The following AGBL3 variants were observed in gnomAD, a reference collection of about 807,000 sequenced individuals.
AGBL3 encodes cytosolic carboxypeptidase 3.
A neutral mutation model predicts 94.5 loss-of-function variants in AGBL3; 68 were observed. That is an observed-to-expected ratio of 0.72 (90% confidence interval 0.59 to 0.88). The LOEUF (loss-of-function observed/expected upper bound fraction) is 0.88. Among genes scored for constraint, AGBL3 ranks in the 40% least tolerant of loss-of-function variants. The pLI is 0.00. For synonymous variants in AGBL3, 354 were observed against 370.7 expected (o/e 0.95, Z 0.52); for missense variants, 934 against 1,103.8 (o/e 0.85, Z 2.18).
At chr7:134,991,224 T>A (rs938667810) in intron 3 of AGBL3, among the ~76,000 whole-genome samples, 1 of 149,724 alleles carries the variant, frequency 6.7e-6, no homozygotes, top group African/African-American at 2.5e-5. Flanking sequence ...GGTTAAAATT[T>A]CAGTTAAGTT....
intron 12 of AGBL3, among the ~76,000 whole-genome samples, chr7:135,070,588 C>T (rs1229569589): frequency 2.0e-5 from 3 of 152,104 alleles, no homozygotes; most frequent in Non-Finnish European, 4.4e-5. Context: ...AATCAATAAA[C>T]GTAATCCAGC....
rs142576001 is a variant in AGBL3 at position 135,066,466 on chromosome 7, T to C, written c.1908+7231T>C. Among the ~76,000 whole-genome samples the C allele has an allele frequency of 8.7e-4, 133 of 152,224 alleles. 1 individual carries two copies. Among genetic ancestry groups the C allele is most frequent in the African/African-American group, 2.7e-3 (113 of 41,558 alleles). On this transcript the variant is annotated intron_variant, in intron 12 of 16. Coordinates refer to ENST00000436302, the MANE Select transcript of AGBL3 (RefSeq NM_178563.4). Reference sequence around the variant, plus strand: ...CCTGCTTGGTCAAAAAATTAAAAAATTGTGTTTGCAAGGATGTGGAGAAAA... The same window carrying C: ...CCTGCTTGGTCAAAAAATTAAAAAACTGTGTTTGCAAGGATGTGGAGAAAA...
rs1827556769 is a variant in AGBL3 at position 135,124,296 on chromosome 7, A to G, written c.2342+8685A>G. 3.9e-5 allele frequency among the ~76,000 whole-genome samples: 6 copies of G among 152,316 alleles called. No homozygotes were observed. The South Asian group carries it at 1.2e-3, about 32-fold the overall frequency. Reference sequence around the variant, plus strand: ...TTAAACCAACAAAATCAAAAAAGACAAAGAAGGGTATTACATAATGGTAAA... The same window carrying G: ...TTAAACCAACAAAATCAAAAAAGACGAAGAAGGGTATTACATAATGGTAAA... On this transcript the variant is annotated intron_variant, in intron 16 of 16. Coordinates refer to ENST00000436302, the MANE Select transcript of AGBL3 (RefSeq NM_178563.4).
intron 12 of AGBL3, 137 bp from the exon 13 acceptor site, chr7:135,076,260 T>C (rs1302873119): frequency 3.1e-6 from 2 of 651,800 alleles, no homozygotes; most frequent in African/African-American, 1.9e-5. Flanking sequence ...ACCCAGAATT[T>C]TTGGTTGTAC....
chr7:134,995,034 A>G (rs4236646), intron 4 of AGBL3, among the ~76,000 whole-genome samples: 141,763 of 152,146 alleles, frequency 0.93, 66,832 homozygotes, highest in East Asian at 1. Context: ...AAAAAGTCCA[A>G]CAGAGAAAAC....
At chr7:134,991,617 G>C (rs565105844) in intron 3 of AGBL3, among the ~76,000 whole-genome samples, 143 of 152,094 alleles carry the variant, frequency 9.4e-4, no homozygotes, top group African/African-American at 3.4e-3. Context: ...AGAACGCCTT[G>C]ATCTCAGAGG....
intron 4 of AGBL3, among the ~76,000 whole-genome samples, chr7:135,012,783 T>C (rs768952922): frequency 6.6e-6 from 1 of 152,050 alleles, no homozygotes; most frequent in Non-Finnish European, 1.5e-5. Context: ...TAAACAAAAA[T>C]TAATTCAAGA....
intron 15 of AGBL3, among the ~76,000 whole-genome samples, chr7:135,083,519 C>A (rs1821089657): frequency 6.6e-6 from 1 of 152,048 alleles, no homozygotes. Flanking sequence ...TTCCCATTAT[C>A]CATTCTCTAA....
At chr7:135,064,004 A>G (rs1819062115) in intron 12 of AGBL3, among the ~76,000 whole-genome samples, 1 of 152,226 alleles carries the variant, frequency 6.6e-6, no homozygotes, top group African/African-American at 2.4e-5. Flanking sequence ...CAGCTAGGGC[A>G]TATTTTGCTC....
At chr7:135,011,028 A>G (rs1046495703) in intron 4 of AGBL3, 2 of 152,220 alleles carry the variant, frequency 1.3e-5, no homozygotes, top group Non-Finnish European at 2.9e-5. Flanking sequence ...AAAAATTGTA[A>G]GAGTTACTAG....
chr7:135,049,035 C>A (rs1032002522), intron 11 of AGBL3, among the ~76,000 whole-genome samples: 2 of 151,706 alleles, frequency 1.3e-5, no homozygotes, highest in South Asian at 4.2e-4. Flanking sequence ...AGAGTAAAAG[C>A]CTTCAGTTTT....
intron 16 of AGBL3, among the ~76,000 whole-genome samples, chr7:135,133,096 CACAA>C (rs1212689541): frequency 1.4e-5 from 2 of 138,784 alleles, no homozygotes; most frequent in African/African-American, 2.6e-5. Flanking sequence ...CACACACACA[CACAA>C]CCTTTAGAAT....
At chr7:135,085,706 A>C (rs541908845) in intron 15 of AGBL3, among the ~76,000 whole-genome samples, 11 of 152,006 alleles carry the variant, frequency 7.2e-5, no homozygotes, top group Non-Finnish European at 1.2e-4. Flanking sequence ...ATTGGTCTAC[A>C]TATCTGTTTT....
At chr7:135,017,213 A>C in intron 5 of AGBL3, 54 bp downstream of exon 5, 1 of 1,247,574 alleles carries the variant, frequency 8.0e-7, no homozygotes, top group Non-Finnish European at 1.1e-6. Flanking sequence ...ACTTAGGTTA[A>C]TCTCTTAATT....
chr7:135,097,221 A>G (rs1420120419), intron 15 of AGBL3, among the ~76,000 whole-genome samples: 1 of 152,142 alleles, frequency 6.6e-6, no homozygotes, highest in Non-Finnish European at 1.5e-5. Flanking sequence ...AACAAAGGGA[A>G]AATTTTGTAA....
rs562912348 is a variant in AGBL3 at position 135,012,633 on chromosome 7, C to T, written c.311-4419C>T. 13 of 151,852 alleles carry T rather than the reference C, an allele frequency of 8.6e-5. No individual in the cohort carries two copies. The East Asian group carries it at 2.5e-3, about 29-fold the overall frequency. The allele number at this position is 151,852 out of a possible 1,614,324, so 9.4% of individuals were successfully genotyped here. On this transcript the variant is annotated intron_variant, in intron 4 of 16. Coordinates refer to ENST00000436302, the MANE Select transcript of AGBL3 (RefSeq NM_178563.4). ...CAGAGTAAAATGTCCAGAAATAGAC[C>T]AACGTGTTTATTACCAAATGACCTT...
At chr7:135,037,146 C>T (rs1343767991) in intron 7 of AGBL3, among the ~76,000 whole-genome samples, 1 of 152,184 alleles carries the variant, frequency 6.6e-6, no homozygotes, top group Admixed American at 6.5e-5. Flanking sequence ...TCTCGAACCC[C>T]TGACCTCAGG....
At chr7:135,018,008 AG>A (rs761039514) in intron 5 of AGBL3, among the ~76,000 whole-genome samples, 5 of 152,236 alleles carry the variant, frequency 3.3e-5, no homozygotes, top group Non-Finnish European at 5.9e-5. Flanking sequence ...GAGATGAATC[AG>A]TCAGGGTCTT....
intron 5 of AGBL3, among the ~76,000 whole-genome samples, chr7:135,027,842 T>A: frequency 6.6e-6 from 1 of 151,660 alleles, no homozygotes; most frequent in East Asian, 2.0e-4. Context: ...AAATTTCACA[T>A]GAACCCTATA....
Sources: allele counts gnomAD v4.1 joint callset (sites outside exome capture counted in the v4.1 genomes callset), GRCh38; gene constraint gnomAD v4.1.1; transcripts MANE v1.5; gene names NCBI Gene and HGNC (gene_info 2026-07-23, HGNC 2026-07-21).